Variants in SOX8 observed in about 807,000 individuals in gnomAD.
SOX8 encodes the protein SRY-box transcription factor 8, also known as transcription factor SOX-8.
A neutral mutation model predicts 22.9 loss-of-function variants in SOX8; 9 were observed. The ratio of observed to expected loss-of-function variants is 0.39; its 90% CI spans 0.24 to 0.69. SOX8 has a LOEUF of 0.69. Among genes scored for constraint, SOX8 ranks in the 30% least tolerant of loss-of-function variants. SOX8 has a pLI of 0.43. For missense variants in SOX8, 734 were observed against 699.4 expected (o/e 1.05, Z -0.56); for synonymous variants, 416 against 330.6 (o/e 1.26, Z -2.80).
Position 981,997 on chromosome 16 carries a change from G to T in SOX8, c.75G>T (p.Val25=). 1 of 1,442,502 alleles carries T rather than the reference G, an allele frequency of 6.9e-7. No individual in the cohort carries two copies. The highest frequency in any genetic ancestry group is 3.1e-5 in the East Asian group (1 of 32,698). The allele number at this position is 1,442,502 out of a possible 1,614,324, so 89.4% of individuals were successfully genotyped here. A position where few individuals can be genotyped will look rare whatever the true frequency, so the allele number is the denominator to read the frequency against. The change falls in exon 1 of 3, where the codon GTG becomes GTT. Residue 25 remains valine (V), a synonymous_variant. Coordinates refer to ENST00000293894, the MANE Select transcript of SOX8 (RefSeq NM_014587.5). ...GCACCGCCAGCTCCATGTCGCACGT[G>T]GAGGACTCGGACTCGGACGCGCCGC... is the stretch of plus-strand genomic sequence containing the variant. ...PSGTASSMSH[V]EDSDSDAPPS...
Position 984,961 on chromosome 16 carries a change from G to T in SOX8, c.916G>T (p.Ala306Ser), listed in dbSNP as rs1473172780. The T allele has an allele frequency of 6.3e-7, 1 of 1,596,476 alleles. No homozygotes were observed. The highest frequency in any genetic ancestry group is 8.5e-7 in the Non-Finnish European group (1 of 1,172,456). ...CGAGCCGGGCCAGGCCTATGGGGGC[G>T]CCTACTTCCACGCCGGGGCGTCCCC... ...PPEPGQAYGG[A>S]YFHAGASPVW... Residue 306 changes from alanine (A) to serine (S), a missense_variant, in exon 3 of 3, where the codon GCC becomes TCC. Physicochemically the swap from Ala to Ser is moderately conservative, Grantham distance 99. Around this residue, in one of 3 missense-constraint regions of SOX8, gnomAD observed 588 missense variants for 568.2 expected, o/e 1.03. Transcript: ENST00000293894.
chr16:984,244 C>G (rs2073434619), intron 2 of SOX8, among the ~76,000 whole-genome samples: 1 of 152,236 alleles, frequency 6.6e-6, no homozygotes, highest in Non-Finnish European at 1.5e-5. Flanking sequence ...GCGGGCTCCT[C>G]TTCCCACACC....
rs553836905 is a variant in SOX8, at chr16:984,767, A to C, written c.722A>C (p.Lys241Thr). The C allele has an allele frequency of 1.9e-6, 3 of 1,605,218 alleles. No homozygotes were observed. The South Asian group carries it at 3.3e-5, about 18-fold the overall frequency. The change falls in exon 3 of 3, where the codon AAG becomes ACG. Residue 241 changes from lysine (K) to threonine (T), a missense_variant. Around this residue, in one of 3 missense-constraint regions of SOX8, gnomAD observed 588 missense variants for 568.2 expected, o/e 1.03. Transcript: ENST00000293894. Reference sequence around the variant, plus strand: ...ACGGAGCTGCAGCAGGCGGGCGCCAAGCCGGAGCTGAAGCTGGAGGGACGC... The same window carrying C: ...ACGGAGCTGCAGCAGGCGGGCGCCACGCCGGAGCTGAAGCTGGAGGGACGC... ...PKTELQQAGA[K>T]PELKLEGRRP...
Position 981,959 on chromosome 16 carries a change from T to G in SOX8, c.37T>G (p.Cys13Gly). 2 of 1,436,272 alleles carry G rather than the reference T, an allele frequency of 1.4e-6. No homozygotes were observed. The highest frequency in any genetic ancestry group is 1.8e-6 in the Non-Finnish European group (2 of 1,093,870). The allele number at this position is 1,436,272 out of a possible 1,614,324, so 89.0% of individuals were successfully genotyped here. Residue 13 changes from cysteine to glycine, a missense_variant, in exon 1 of 3, where the codon TGC becomes GGC. By Grantham distance (159) the Cys-to-Gly change is radical (BLOSUM62 -3). Around this residue, in one of 3 missense-constraint regions of SOX8, gnomAD observed 139 missense variants for 109.1 expected, o/e 1.27. Transcript: ENST00000293894. The part of the protein sequence containing the change: ...DMSEARSQPP[C>G]SPSGTASSMS... ...GAGCGAGGCCCGCTCCCAGCCGCCC[T>G]GCAGCCCGTCCGGCACCGCCAGCTC... is the stretch of plus-strand genomic sequence containing the variant.
chr16:985,100 C>T lies in SOX8; in HGVS notation c.1055C>T (p.Pro352Leu). The change falls in exon 3 of 3, where the codon CCC becomes CTC. Residue 352 changes from proline (P) to leucine (L), a missense_variant. This residue lies in a region of SOX8 where 588 missense variants were observed against 568.2 expected (regional missense o/e 1.03). Transcript: ENST00000293894. ...QPSPGHYGDQ[P>L]RGSPDYGSCS... ...AGCCCCGGCCACTACGGCGACCAGC[C>T]CCGAGGCTCGCCCGACTACGGTTCC... 1 of 1,592,948 alleles carries T rather than the reference C, an allele frequency of 6.3e-7. No individual in the cohort carries two copies. Among genetic ancestry groups the T allele is most frequent in the Non-Finnish European group, 8.5e-7 (1 of 1,175,022 alleles).
In SOX8 at chr16:985,627, G is replaced by A; in HGVS notation, c.*241G>A. 2.0e-6 allele frequency: 1 copy of A among 495,128 alleles called. No individual in the cohort carries two copies. Among genetic ancestry groups the A allele is most frequent in the Non-Finnish European group, 3.5e-6 (1 of 282,670 alleles). The allele number at this position is 495,128 out of a possible 1,614,324, so 30.7% of individuals were successfully genotyped here. On this transcript the variant is annotated 3_prime_UTR_variant, in exon 3 of 3. Transcript: ENST00000293894. ...TGAGGTGGTGGGATTATTCCACAAA[G>A]AAGGGCTGCCGTTTGGTCCCTCTTC...
intron 1 of SOX8, chr16:982,613 T>G: frequency 1.4e-5 from 5 of 362,118 alleles, no homozygotes; most frequent in Non-Finnish European, 2.5e-5. Flanking sequence ...CTGGAGCCAG[T>G]TCTCCTGGCG....
At position 982,026 on chromosome 16, in the gene SOX8, C is replaced by T. The variant is rs1434899871; in HGVS notation, c.104C>T (p.Ser35Phe). ...GACTCGGACTCGGACGCGCCGCCGT[C>T]TCCCGCCGGCTCCGAGGGCCTGGGC... is the stretch of plus-strand genomic sequence containing the variant. ...VEDSDSDAPP[S>F]PAGSEGLGRA... The change falls in exon 1 of 3, where the codon TCT (serine) becomes TTT (phenylalanine). Residue 35 changes from serine to phenylalanine, a missense_variant. Coordinates refer to ENST00000293894, the MANE Select transcript of SOX8 (RefSeq NM_014587.5). 2 of 1,378,310 alleles carry T rather than the reference C, an allele frequency of 1.5e-6. No homozygotes were observed. The highest frequency in any genetic ancestry group is 5.6e-5 in the Admixed American group (2 of 35,486). The allele number at this position is 1,378,310 out of a possible 1,614,324, so 85.4% of individuals were successfully genotyped here. A position where few individuals can be genotyped will look rare whatever the true frequency, so the allele number is the denominator to read the frequency against.
At position 984,980 on chromosome 16, in the gene SOX8, C is replaced by T. The variant is rs749437891; in HGVS notation, c.935C>T (p.Ala312Val). 2.8e-5 allele frequency: 45 copies of T among 1,587,682 alleles called. No individual in the cohort carries two copies. Among genetic ancestry groups the T allele is most frequent in the Middle Eastern group, 1.7e-4 (1 of 5,848 alleles). Reference sequence around the variant, plus strand: ...GGGGGCGCCTACTTCCACGCCGGGGCGTCCCCCGTGTGGGCCCACAAGAGT... The same window carrying T: ...GGGGGCGCCTACTTCCACGCCGGGGTGTCCCCCGTGTGGGCCCACAAGAGT... ...AYGGAYFHAGASPVWAHKSAP... is the reference protein window; with the variant it reads ...AYGGAYFHAGVSPVWAHKSAP... The change falls in exon 3 of 3, where the codon GCG (alanine) becomes GTG (valine). Residue 312 changes from alanine (A) to valine (V), a missense_variant. Physicochemically the swap from Ala to Val is moderately conservative, Grantham distance 64. This residue lies in a region of SOX8 where 588 missense variants were observed against 568.2 expected (regional missense o/e 1.03). Transcript: ENST00000293894.
chr16:984,959 G>A lies in SOX8; in HGVS notation c.914G>A (p.Gly305Asp). 6.3e-7 allele frequency: 1 copy of A among 1,597,946 alleles called. No homozygotes were observed. The highest frequency in any genetic ancestry group is 8.5e-7 in the Non-Finnish European group (1 of 1,173,078). The change falls in exon 3 of 3, where the codon GGC (glycine) becomes GAC (aspartate). Residue 305 changes from glycine (G) to aspartate (D), a missense_variant. Gly to Asp is a moderately conservative substitution (Grantham distance 94, BLOSUM62 -1). Coordinates refer to ENST00000293894, the MANE Select transcript of SOX8 (RefSeq NM_014587.5). ...CCCGAGCCGGGCCAGGCCTATGGGG[G>A]CGCCTACTTCCACGCCGGGGCGTCC... ...APPEPGQAYGGAYFHAGASPV... is the reference protein window; with the variant it reads ...APPEPGQAYGDAYFHAGASPV...
Position 982,004 on chromosome 16 carries a change from T to C in SOX8, c.82T>C (p.Ser28Pro). Residue 28 changes from serine to proline, a missense_variant, in exon 1 of 3, where the codon TCG (serine) becomes CCG (proline). By Grantham distance (74) the Ser-to-Pro change is moderately conservative (BLOSUM62 -1). This residue lies in a region of SOX8 where 139 missense variants were observed against 109.1 expected (regional missense o/e 1.27). Transcript: ENST00000293894. ...CAGCTCCATGTCGCACGTGGAGGAC[T>C]CGGACTCGGACGCGCCGCCGTCTCC... Reference protein sequence around the residue: ...TASSMSHVEDSDSDAPPSPAG... With the variant: ...TASSMSHVEDPDSDAPPSPAG... 7.0e-7 allele frequency: 1 copy of C among 1,419,300 alleles called. No homozygotes were observed. 87.9% of individuals were successfully genotyped at this position (1,419,300 alleles called of 1,614,324 possible). A position where few individuals can be genotyped will look rare whatever the true frequency, so the allele number is the denominator to read the frequency against.
rs1040429393 is a variant in SOX8, at chr16:986,453, C to A, written c.*1067C>A. 1 of 152,252 alleles carries A rather than the reference C, an allele frequency of 6.6e-6. No homozygotes were observed. The highest frequency in any genetic ancestry group is 1.9e-4 in the East Asian group (1 of 5,200). 9.4% of individuals were successfully genotyped at this position (152,252 alleles called of 1,614,324 possible). ...GACACAGGAATTCCTGGGTCCTTGC[C>A]CATGACTGTGCCATGTGGTAGGACA... On this transcript the variant is annotated 3_prime_UTR_variant, in exon 3 of 3. Transcript: ENST00000293894.
chr16:985,116 C>T lies in SOX8; in HGVS notation c.1071C>T (p.Asp357=), dbSNP rs1210070548. The stretch of plus-strand genomic sequence containing the variant: ...GCGACCAGCCCCGAGGCTCGCCCGA[C>T]TACGGTTCCTGCAGCGGCCAGTCCA... The part of the protein sequence containing the change: ...HYGDQPRGSP[D]YGSCSGQSSA... Residue 357 remains aspartate (D), a synonymous_variant, in exon 3 of 3, where the codon GAC becomes GAT. Coordinates refer to ENST00000293894, the MANE Select transcript of SOX8 (RefSeq NM_014587.5). The T allele has an allele frequency of 6.3e-7, 1 of 1,597,940 alleles. No homozygotes were observed. The highest frequency in any genetic ancestry group is 1.7e-5 in the Admixed American group (1 of 59,172).
rs535211295 is a variant in SOX8, at chr16:982,382, T to C, written c.422+38T>C. On this transcript the variant is annotated intron_variant, in intron 1 of 2. Coordinates refer to ENST00000293894, the MANE Select transcript of SOX8 (RefSeq NM_014587.5). ...GCCCCGGGGGCGGGGTTCGGGACCT[T>C]GGCCGCCCCTGGTCTCGGACTGCGA... 175 of 1,307,686 alleles carry C rather than the reference T, an allele frequency of 1.3e-4. No homozygotes were observed. The African/African-American group carries it at 2.5e-3, about 18-fold the overall frequency. The allele number at this position is 1,307,686 out of a possible 1,614,324, so 81.0% of individuals were successfully genotyped here. A position where few individuals can be genotyped will look rare whatever the true frequency, so the allele number is the denominator to read the frequency against.
At chr16:984,332 GT>G (rs906175240) in intron 2 of SOX8, among the ~76,000 whole-genome samples, 2 of 152,218 alleles carry the variant, frequency 1.3e-5, no homozygotes, top group Non-Finnish European at 2.9e-5. Flanking sequence ...CGGGGCCTCG[GT>G]CAGGCTGGCT....
Position 981,782 on chromosome 16 carries a change from T to G in SOX8, c.-141T>G, listed in dbSNP as rs1215878770. ...CGGGTCCCGCAGCGGGACCCGAGCC[T>G]CGGCGGCGGCGGCGGCGGCGGCAGG... On this transcript the variant is annotated 5_prime_UTR_variant, in exon 1 of 3. Transcript: ENST00000293894. 3 of 243,476 alleles carry G rather than the reference T, an allele frequency of 1.2e-5. No homozygotes were observed. Among genetic ancestry groups the G allele is most frequent in the South Asian group, 1.5e-4 (1 of 6,884 alleles). 15.1% of individuals were successfully genotyped at this position (243,476 alleles called of 1,614,324 possible).
Position 982,087 on chromosome 16 carries a change from C to G in SOX8, c.165C>G (p.Asp55Glu). Residue 55 changes from aspartate (D) to glutamate (E), a missense_variant, in exon 1 of 3, where the codon GAC becomes GAG. Physicochemically the swap from Asp to Glu is conservative, Grantham distance 45. Coordinates refer to ENST00000293894, the MANE Select transcript of SOX8 (RefSeq NM_014587.5). ...TCGCGGTGGGGGGCGCCCGGGGCGA[C>G]CCGGCGGAGGCGGCGGACGAGCGCT... ...AGVAVGGARG[D>E]PAEAADERFP... 7.7e-7 allele frequency: 1 copy of G among 1,306,166 alleles called. No homozygotes were observed. 80.9% of individuals were successfully genotyped at this position (1,306,166 alleles called of 1,614,324 possible). A position where few individuals can be genotyped will look rare whatever the true frequency, so the allele number is the denominator to read the frequency against.
At position 986,657 on chromosome 16, in the gene SOX8, G is replaced by C. The variant is rs1356183902; in HGVS notation, c.*1271G>C. On this transcript the variant is annotated 3_prime_UTR_variant, in exon 3 of 3. Coordinates refer to ENST00000293894, the MANE Select transcript of SOX8 (RefSeq NM_014587.5). Reference sequence around the variant, plus strand: ...GCTTCCCCTGTGTGCTGAGCATAGAGCATACAATAGCGCCTACTTCACGGA... The same window carrying C: ...GCTTCCCCTGTGTGCTGAGCATAGACCATACAATAGCGCCTACTTCACGGA... The C allele has an allele frequency of 6.6e-6, 1 of 152,520 alleles. No individual in the cohort carries two copies. The highest frequency in any genetic ancestry group is 1.5e-5 in the Non-Finnish European group (1 of 68,060). 9.4% of individuals were successfully genotyped at this position (152,520 alleles called of 1,614,324 possible). A position where few individuals can be genotyped will look rare whatever the true frequency, so the allele number is the denominator to read the frequency against.
intron 1 of SOX8, 125 bp downstream of exon 1, chr16:982,469 G>A (rs2073405320): frequency 9.5e-7 from 1 of 1,053,482 alleles, no homozygotes. Flanking sequence ...TCCGGGCTCT[G>A]CACCCCGGGC....
Sources: allele counts gnomAD v4.1 joint callset (sites outside exome capture counted in the v4.1 genomes callset), GRCh38; gene constraint gnomAD v4.1.1; regional missense constraint gnomAD v4.1.1; transcripts MANE v1.5; gene names NCBI Gene and HGNC (gene_info 2026-07-23, HGNC 2026-07-21).